The following HPCAL1 variants were observed in gnomAD, a reference collection of about 807,000 sequenced individuals.
HPCAL1 encodes the protein hippocalcin like 1, also known as hippocalcin-like protein 1.
A neutral mutation model predicts 17.1 loss-of-function variants in HPCAL1; 8 were observed. The ratio of observed to expected loss-of-function variants is 0.47; its 90% CI spans 0.27 to 0.84. The LOEUF is 0.84. Ranked by LOEUF, HPCAL1 falls within the 40% of genes least tolerant of loss-of-function variation. The pLI is 0.13. For synonymous variants in HPCAL1, 112 were observed against 111.4 expected (o/e 1.01, Z -0.03); for missense variants, 165 against 271.1 (o/e 0.61, Z 2.75).
At chr2:10,309,179 T>C (rs1374506108) in intron 1 of HPCAL1, among the ~76,000 whole-genome samples, 1 of 152,056 alleles carries the variant, frequency 6.6e-6, no homozygotes, top group Admixed American at 6.6e-5. Flanking sequence ...GGACTACAGG[T>C]ACACACCACC....
At chr2:10,381,895 G>A (rs1186692874) in intron 1 of HPCAL1, among the ~76,000 whole-genome samples, 2 of 152,142 alleles carry the variant, frequency 1.3e-5, no homozygotes, top group African/African-American at 4.8e-5. Flanking sequence ...TTTACCCTGT[G>A]ATCCAACAAT....
rs1666764273 is a variant in HPCAL1 at position 10,365,104 on chromosome 2, C to T, written c.-110-31731C>T. On this transcript the variant is annotated intron_variant, in intron 1 of 4. Transcript: ENST00000307845. This position sits in a 1 kb window ranked among gnomAD's most constrained non-coding sequence, Gnocchi z 4.8. ...GCTTGGTGGAAGGGATTCATGTACCCCTATCCCCATCCCTAAATGAGAGTG... is the reference window on the plus strand; with the variant it reads ...GCTTGGTGGAAGGGATTCATGTACCTCTATCCCCATCCCTAAATGAGAGTG... Among the ~76,000 whole-genome samples the T allele has an allele frequency of 6.6e-6, 1 of 152,166 alleles. No individual in the cohort carries two copies. Among genetic ancestry groups the T allele is most frequent in the African/African-American group, 2.4e-5 (1 of 41,438 alleles).
chr2:10,402,781 C>G (rs1669705003), intron 2 of HPCAL1, among the ~76,000 whole-genome samples: 1 of 152,130 alleles, frequency 6.6e-6, no homozygotes, highest in African/African-American at 2.4e-5. Flanking sequence ...GGTGTGGACA[C>G]CAGGCAGGCA....
intron 1 of HPCAL1, among the ~76,000 whole-genome samples, chr2:10,338,238 C>T (rs1558629): frequency 0.21 from 32,206 of 151,906 alleles, 4,324 homozygotes; most frequent in African/African-American, 0.38. Context: ...TAATGAAAAG[C>T]GTTCTGGAAT....
At position 10,330,358 on chromosome 2, in the gene HPCAL1, A is replaced by C. The variant is rs1204637794; in HGVS notation, c.-111+27181A>C. 2 of 152,222 alleles carry C rather than the reference A, an allele frequency of 1.3e-5. No homozygotes were observed. Among genetic ancestry groups the C allele is most frequent in the Admixed American group, 6.5e-5 (1 of 15,280 alleles). 9.4% of individuals were successfully genotyped at this position (152,222 alleles called of 1,614,324 possible). A position where few individuals can be genotyped will look rare whatever the true frequency, so the allele number is the denominator to read the frequency against. The stretch of plus-strand genomic sequence containing the variant: ...GAGTGGCGAAGGGCAGCAGCTTTGG[A>C]GCAAGGGCCACCCTGCCCCTCCCCA... On this transcript the variant is annotated intron_variant, in intron 1 of 4. Coordinates refer to ENST00000307845, the MANE Select transcript of HPCAL1 (RefSeq NM_002149.4). The surrounding 1 kb of genome is among the most constrained non-coding windows in gnomAD (Gnocchi z 4.2).
chr2:10,424,558 G>C (rs768945271), intron 4 of HPCAL1: 32 of 470,972 alleles, frequency 6.8e-5, no homozygotes, highest in Non-Finnish European at 1.1e-4. Context: ...GTCACTCGCT[G>C]CCCGAATCTG....
At chr2:10,317,355 T>C (rs372423226) in intron 1 of HPCAL1, among the ~76,000 whole-genome samples, 4 of 152,194 alleles carry the variant, frequency 2.6e-5, no homozygotes, top group African/African-American at 9.6e-5. Flanking sequence ...CAACAAAATC[T>C]CTTAAAGCTA....
In HPCAL1 at chr2:10,363,881, G is replaced by A. The variant is rs1207663653; in HGVS notation, c.-110-32954G>A. 6.6e-6 allele frequency among the ~76,000 whole-genome samples: 1 copy of A among 152,164 alleles called. No individual in the cohort carries two copies. The highest frequency in any genetic ancestry group is 1.5e-5 in the Non-Finnish European group (1 of 68,028). The stretch of plus-strand genomic sequence containing the variant: ...TGCCCCTTCTGTTTTAGGCACTGTC[G>A]GGGTTGCCTGCCTTCTGGTAAGCGT... On this transcript the variant is annotated intron_variant, in intron 1 of 4. Transcript: ENST00000307845. The surrounding 1 kb of genome is among the most constrained non-coding windows in gnomAD (Gnocchi z 4.7).
intron 2 of HPCAL1, among the ~76,000 whole-genome samples, chr2:10,410,412 C>T (rs930931061): frequency 1.2e-4 from 17 of 142,588 alleles, no homozygotes; most frequent in Non-Finnish European, 2.0e-4. Context: ...CATTTCTTTC[C>T]TTGTTCCTCT....
intron 1 of HPCAL1, among the ~76,000 whole-genome samples, chr2:10,312,805 C>T (rs1427855220): frequency 6.6e-6 from 1 of 152,002 alleles, no homozygotes; most frequent in Non-Finnish European, 1.5e-5. Context: ...CCATCGTCAC[C>T]ATCACCGTCA....
intron 1 of HPCAL1, among the ~76,000 whole-genome samples, chr2:10,352,423 C>T (rs950975487): frequency 1.3e-5 from 2 of 152,160 alleles, no homozygotes; most frequent in Non-Finnish European, 2.9e-5. Context: ...AAAACTTTTC[C>T]GTTCTAGTCT....
intron 1 of HPCAL1, among the ~76,000 whole-genome samples, chr2:10,373,583 T>G (rs986504236): frequency 7.2e-5 from 11 of 151,902 alleles, no homozygotes; most frequent in Non-Finnish European, 1.6e-4. Context: ...TTTTTTTTTG[T>G]TTTTTGTTTT....
intron 1 of HPCAL1, among the ~76,000 whole-genome samples, chr2:10,311,987 CCAT>C (rs904256856): frequency 6.6e-5 from 10 of 150,978 alleles, no homozygotes; most frequent in African/African-American, 2.0e-4. Flanking sequence ...ATCACCACCA[CCAT>C]CATCACCATC....
At chr2:10,422,653 C>A (rs1432688606) in intron 3 of HPCAL1, among the ~76,000 whole-genome samples, 1 of 152,164 alleles carries the variant, frequency 6.6e-6, no homozygotes, top group African/African-American at 2.4e-5. Flanking sequence ...GGGAATTTCA[C>A]ACATCTGTGA....
At chr2:10,328,151 A>G (rs963910904) in intron 1 of HPCAL1, among the ~76,000 whole-genome samples, 8 of 152,202 alleles carry the variant, frequency 5.3e-5, no homozygotes. Context: ...TTGTATCCCC[A>G]GGAACTCTCT....
chr2:10,401,406 C>A (rs994661745), intron 2 of HPCAL1, among the ~76,000 whole-genome samples: 1 of 152,130 alleles, frequency 6.6e-6, no homozygotes, highest in African/African-American at 2.4e-5. Flanking sequence ...AATATCTGTT[C>A]TTTTGGGTGT....
intron 1 of HPCAL1, among the ~76,000 whole-genome samples, chr2:10,361,272 GA>G (rs1666510486): frequency 6.6e-6 from 1 of 151,620 alleles, no homozygotes; most frequent in East Asian, 1.9e-4. Flanking sequence ...GAGAGAGAGA[GA>G]GAGAGAGAGC....
intron 1 of HPCAL1, among the ~76,000 whole-genome samples, chr2:10,326,203 C>A (rs184027114): frequency 6.6e-6 from 1 of 152,290 alleles, no homozygotes; most frequent in East Asian, 1.9e-4. Flanking sequence ...GGTAAACGTT[C>A]GTTAACTTAG....
chr2:10,363,764 C>T lies in HPCAL1; in HGVS notation c.-110-33071C>T, dbSNP rs900390499. Among the ~76,000 whole-genome samples, 2 of 152,214 alleles carry T rather than the reference C, an allele frequency of 1.3e-5. No individual in the cohort carries two copies. Among genetic ancestry groups the T allele is most frequent in the Non-Finnish European group, 2.9e-5 (2 of 68,042 alleles). On this transcript the variant is annotated intron_variant, in intron 1 of 4. Transcript: ENST00000307845. This position sits in a 1 kb window ranked among gnomAD's most constrained non-coding sequence, Gnocchi z 4.7. ...CAAGGCTGGGGAGCCAGGCTTGTTT[C>T]GGATCTCCAGTCCTTGTGTGGGCTG...
Sources: allele counts gnomAD v4.1 joint callset (sites outside exome capture counted in the v4.1 genomes callset), GRCh38; gene constraint gnomAD v4.1.1; non-coding constraint Gnocchi (gnomAD v3.1); transcripts MANE v1.5; gene names NCBI Gene and HGNC (gene_info 2026-07-23, HGNC 2026-07-21).